Variants in NRF1 observed in about 807,000 individuals in gnomAD.
The protein encoded by NRF1 is alpha palindromic-binding protein.
A neutral mutation model predicts 58.5 loss-of-function variants in NRF1; 5 were observed. That is an observed-to-expected ratio of 0.09 (90% CI 0.04 to 0.18). The LOEUF (loss-of-function observed/expected upper bound fraction) is 0.18, where lower values mean the gene tolerates loss of function less well. Ranked by LOEUF, NRF1 falls within the 10% of genes least tolerant of loss-of-function variation. NRF1 has a pLI of 1.00. For synonymous variants in NRF1, 224 were observed against 246.7 expected, an observed-to-expected ratio of 0.91 and a Z score of 0.86; for missense variants, 288 against 657.7, an observed-to-expected ratio of 0.44 and a Z score of 6.15.
At chr7:129,697,167 A>G (rs1311233191) in intron 5 of NRF1, among the ~76,000 whole-genome samples, 2 of 151,872 alleles carry the variant, frequency 1.3e-5, no homozygotes, top group Admixed American at 6.6e-5. Context: ...ATTTTTCTCA[A>G]CAATTAAGTG....
chr7:129,619,372 A>AT (rs1800720409), intron 1 of NRF1, among the ~76,000 whole-genome samples: 1 of 135,190 alleles, frequency 7.4e-6, no homozygotes. Context: ...AATCATTGGG[A>AT]TAAAAACTGG....
At chr7:129,632,307 T>A (rs1801067591) in intron 1 of NRF1, among the ~76,000 whole-genome samples, 1 of 152,126 alleles carries the variant, frequency 6.6e-6, no homozygotes, top group African/African-American at 2.4e-5. Context: ...TAGATACATT[T>A]ATCTCTGATT....
At chr7:129,728,282 G>C (rs567619453) in intron 10 of NRF1, among the ~76,000 whole-genome samples, 1 of 152,276 alleles carries the variant, frequency 6.6e-6, no homozygotes, top group East Asian at 1.9e-4. Flanking sequence ...ACTTTGGGAA[G>C]CCAAAGTGGG....
At chr7:129,671,193 AT>A (rs1051035943) in intron 2 of NRF1, among the ~76,000 whole-genome samples, 1 of 152,196 alleles carries the variant, frequency 6.6e-6, no homozygotes, top group Admixed American at 6.5e-5. Flanking sequence ...CTAGTGTGTG[AT>A]GGGGAGGTGT....
intron 10 of NRF1, among the ~76,000 whole-genome samples, chr7:129,745,506 A>ACCCCCCCCCCCCAC (rs35406699): frequency 1.8e-5 from 2 of 112,578 alleles, no homozygotes; most frequent in African/African-American, 3.4e-5. Context: ...ATCCCCCTCA[A>ACCCCCCCCCCCCAC]CCCCCCCCCC....
At chr7:129,735,454 C>T (rs1213898581) in intron 10 of NRF1, among the ~76,000 whole-genome samples, 3 of 151,192 alleles carry the variant, frequency 2.0e-5, no homozygotes, top group African/African-American at 7.3e-5. Context: ...CGCTTGAACC[C>T]GGGAGGCAGA....
intron 4 of NRF1, among the ~76,000 whole-genome samples, chr7:129,685,224 C>A (rs1180145122): frequency 2.0e-5 from 3 of 152,058 alleles, no homozygotes; most frequent in Non-Finnish European, 4.4e-5. Flanking sequence ...ATTTTTGCAA[C>A]CCAACTGAAG....
chr7:129,612,647 G>T (rs1800562906), intron 1 of NRF1, among the ~76,000 whole-genome samples: 1 of 152,194 alleles, frequency 6.6e-6, no homozygotes, highest in East Asian at 1.9e-4. Flanking sequence ...AGGGAGAGGG[G>T]GAGTGGCACG....
intron 1 of NRF1, among the ~76,000 whole-genome samples, chr7:129,627,003 G>C (rs1252190746): frequency 6.6e-6 from 1 of 152,206 alleles, no homozygotes; most frequent in Non-Finnish European, 1.5e-5. Context: ...AGGTTAGTGT[G>C]GTTTCTAATA....
chr7:129,722,433 C>T (rs1337837638), intron 9 of NRF1, among the ~76,000 whole-genome samples: 1 of 151,856 alleles, frequency 6.6e-6, no homozygotes, highest in Non-Finnish European at 1.5e-5. Flanking sequence ...TTAGTTTGGT[C>T]GTTTCCCATA....
chr7:129,722,378 C>T (rs937372569), intron 9 of NRF1, among the ~76,000 whole-genome samples: 3 of 148,102 alleles, frequency 2.0e-5, no homozygotes, highest in African/African-American at 5.0e-5. Flanking sequence ...GCCACAAGAG[C>T]GAAACTCCGT....
chr7:129,732,240 A>G (rs1803597993), intron 10 of NRF1, among the ~76,000 whole-genome samples: 1 of 152,246 alleles, frequency 6.6e-6, no homozygotes, highest in Non-Finnish European at 1.5e-5. Flanking sequence ...GAAGGATTAT[A>G]TTGGGACTTG....
Position 129,645,916 on chromosome 7 carries a change from C to T in NRF1, c.-6-11430C>T, listed in dbSNP as rs933577075. Among the ~76,000 whole-genome samples, 13 of 152,300 alleles carry T rather than the reference C, an allele frequency of 8.5e-5. No individual in the cohort carries two copies. In the East Asian group the frequency reaches 1.9e-3, roughly 23 times the overall value. On this transcript the variant is annotated intron_variant, in intron 1 of 10. Transcript: ENST00000393232. Reference sequence around the variant, plus strand: ...CCAGGCTGGAGTGCAGTGGCATCATCTCAACTCACTGCAGCCTCCGCCTCC... The same window carrying T: ...CCAGGCTGGAGTGCAGTGGCATCATTTCAACTCACTGCAGCCTCCGCCTCC...
chr7:129,733,694 CTTT>C (rs988334747), intron 10 of NRF1, among the ~76,000 whole-genome samples: 1 of 152,116 alleles, frequency 6.6e-6, no homozygotes, highest in Admixed American at 6.5e-5. Context: ...CCTTTATATT[CTTT>C]TGATTTTTTT....
At chr7:129,638,645 C>G (rs1192121244) in intron 1 of NRF1, among the ~76,000 whole-genome samples, 1 of 152,074 alleles carries the variant, frequency 6.6e-6, no homozygotes, top group Admixed American at 6.6e-5. Flanking sequence ...GCCTATACTT[C>G]TTGTAAATGG....
At chr7:129,721,419 T>A (rs1275437288) in intron 9 of NRF1, among the ~76,000 whole-genome samples, 2 of 152,120 alleles carry the variant, frequency 1.3e-5, no homozygotes, top group Non-Finnish European at 2.9e-5. Context: ...TTTGTCTTTT[T>A]TTTTGTTGTG....
chr7:129,628,365 T>C (rs1267318339), intron 1 of NRF1, among the ~76,000 whole-genome samples: 1 of 151,980 alleles, frequency 6.6e-6, no homozygotes, highest in African/African-American at 2.4e-5. Flanking sequence ...CCAAATATAA[T>C]AGCTTTTATT....
chr7:129,699,287 GT>G (rs1802765095), intron 5 of NRF1, among the ~76,000 whole-genome samples: 1 of 152,150 alleles, frequency 6.6e-6, no homozygotes, highest in Admixed American at 6.5e-5. Flanking sequence ...TTTTTTGAGA[GT>G]TTTGTTCTGT....
At chr7:129,687,325 A>T (rs1233652206) in intron 4 of NRF1, among the ~76,000 whole-genome samples, 1 of 143,298 alleles carries the variant, frequency 7.0e-6, no homozygotes, top group Non-Finnish European at 1.5e-5. Context: ...CCCAGGCTGG[A>T]GTACAATGGT....
Sources: gnomAD v4.1 joint callset for allele counts (sites outside exome capture counted in the v4.1 genomes callset) on GRCh38, gnomAD v4.1.1 for gene constraint, MANE v1.5 for transcripts, NCBI Gene and HGNC (gene_info 2026-07-23, HGNC 2026-07-21) for gene names.